Variants in SLC19A1 observed in about 807,000 individuals in gnomAD.
SLC19A1 encodes the protein solute carrier family 19 member 1, also known as reduced folate transporter.
Under a neutral mutation model 35.3 loss-of-function variants are expected in SLC19A1, and 37 were observed. The observed-to-expected ratio is 1.05, with a 90% CI of 0.81 to 1.38. SLC19A1 has a LOEUF of 1.38. Ranked by LOEUF, SLC19A1 falls within the 40% of genes most tolerant of loss-of-function variation. The pLI is 0.00. For missense variants in SLC19A1, 831 were observed against 826.9 expected, an observed-to-expected ratio of 1.00 and a Z score of -0.06; for synonymous variants, 460 against 398.5, an observed-to-expected ratio of 1.15 and a Z score of -1.84.
intron 5 of SLC19A1, among the ~76,000 whole-genome samples, chr21:45,516,783 CT>C (rs913169170): frequency 6.6e-6 from 1 of 152,190 alleles, no homozygotes; most frequent in African/African-American, 2.4e-5. Context: ...GTTCAGGAGG[CT>C]GCAGTGCCCT....
At position 45,530,459 on chromosome 21, in the gene SLC19A1, C is replaced by T. The variant is rs1319526973; in HGVS notation, c.1151+311G>A. ...ATGAACTCACACAGGTGCAAGCTCCCGCTCCTGCCTGGATGGGGTCTCAGC... is the reference window on the plus strand; with the variant it reads ...ATGAACTCACACAGGTGCAAGCTCCTGCTCCTGCCTGGATGGGGTCTCAGC... On this transcript the variant is annotated intron_variant, in intron 4 of 5. Transcript: ENST00000311124. This position sits in a 1 kb window ranked among gnomAD's most constrained non-coding sequence, Gnocchi z 5.3. 6.6e-6 allele frequency among the ~76,000 whole-genome samples: 1 copy of T among 152,086 alleles called. No individual in the cohort carries two copies. The highest frequency in any genetic ancestry group is 1.5e-5 in the Non-Finnish European group (1 of 67,986).
chr21:45,526,350 C>T (rs561103107), intron 4 of SLC19A1, among the ~76,000 whole-genome samples: 1 of 152,388 alleles, frequency 6.6e-6, no homozygotes, highest in African/African-American at 2.4e-5. Flanking sequence ...TGTACACACA[C>T]AGCCAGAAGG....
In SLC19A1 at chr21:45,535,044, G is replaced by A. The variant is rs1028771028; in HGVS notation, c.189+2727C>T. On this transcript the variant is annotated intron_variant, in intron 2 of 5. Coordinates refer to ENST00000311124, the MANE Select transcript of SLC19A1 (RefSeq NM_194255.4). ...GGCAAGGCCCGAAGGCAGGCAGGAC[G>A]CGAGGGCAGGGCCAGGCGTGGGGCA... 5.9e-5 allele frequency among the ~76,000 whole-genome samples: 9 copies of A among 152,384 alleles called. No individual in the cohort carries two copies. In the South Asian group the frequency reaches 8.3e-4, roughly 14 times the overall value.
At chr21:45,511,536 G>A (rs990003305), downstream of SLC19A1, among the ~76,000 whole-genome samples, 18 of 152,094 alleles carry the variant, frequency 1.2e-4, 1 homozygote, top group Admixed American at 4.6e-4. Flanking sequence ...TGTAAGCAGC[G>A]CAGCGAGTTT....
intron 1 of SLC19A1, among the ~76,000 whole-genome samples, chr21:45,550,977 G>A (rs1004103857): frequency 7.6e-6 from 1 of 132,294 alleles, no homozygotes; most frequent in Non-Finnish European, 1.6e-5. Flanking sequence ...ACTGGCCCCC[G>A]CCTCCATTCT....
chr21:45,508,500 T>TGGACA (rs1185357298), downstream of SLC19A1, among the ~76,000 whole-genome samples: 15 of 147,982 alleles, frequency 1.0e-4, no homozygotes, highest in East Asian at 1.2e-3. Context: ...GGTGGATGGA[T>TGGACA]GGTGGGTAAG....
Position 45,516,030 on chromosome 21 carries a change from C to T in SLC19A1, c.1404G>A (p.Pro468=), listed in dbSNP as rs779281364. Residue 468 remains proline, a synonymous_variant, in exon 6 of 6, where the codon CCG becomes CCA. Coordinates refer to ENST00000311124, the MANE Select transcript of SLC19A1 (RefSeq NM_194255.4). ...CCGCGGCACTCCTCAGGCCCTGGGCCGGGGGCTGCCGCGGGTGGTGGCCCC... is the reference window on the plus strand; with the variant it reads ...CCGCGGCACTCCTCAGGCCCTGGGCTGGGGGCTGCCGCGGGTGGTGGCCCC... ...CQRGHHPRQP[P]AQGLRSAAEE... is the part of the protein sequence containing the mutation. 1.2e-5 allele frequency: 19 copies of T among 1,578,802 alleles called. No homozygotes were observed. Among genetic ancestry groups the T allele is most frequent in the South Asian group, 8.1e-5 (7 of 86,890 alleles).
intron 4 of SLC19A1, among the ~76,000 whole-genome samples, chr21:45,529,098 G>T (rs1012981814): frequency 2.6e-5 from 4 of 152,230 alleles, no homozygotes; most frequent in African/African-American, 9.6e-5. Flanking sequence ...AGCCAGGGAC[G>T]GCAAGAGCCC....
intron 4 of SLC19A1, among the ~76,000 whole-genome samples, chr21:45,529,120 CG>C (rs1264962815): frequency 6.6e-6 from 1 of 152,130 alleles, no homozygotes; most frequent in Non-Finnish European, 1.5e-5. Flanking sequence ...GTGTGGGCCT[CG>C]GGGAGCCTGG....
chr21:45,561,135 G>T (rs1377202300), intron 1 of SLC19A1, among the ~76,000 whole-genome samples: 4 of 152,194 alleles, frequency 2.6e-5, no homozygotes, highest in South Asian at 4.1e-4. Flanking sequence ...ACCGAGTCTT[G>T]TTGAGAAGAC....
intron 4 of SLC19A1, among the ~76,000 whole-genome samples, chr21:45,527,307 T>C (rs2077661955): frequency 7.3e-6 from 1 of 137,708 alleles, no homozygotes; most frequent in Admixed American, 7.4e-5. Context: ...GGGCAGGCCC[T>C]GGAGGTGAGT....
chr21:45,512,179 G>A (rs369020509), downstream of SLC19A1: 81 of 1,610,198 alleles, frequency 5.0e-5, no homozygotes, highest in Middle Eastern at 3.3e-4. Context: ...GGCCCGGCGC[G>A]TCTTACAGGC....
At chr21:45,521,883 T>C (rs2077449409) in intron 5 of SLC19A1, among the ~76,000 whole-genome samples, 1 of 152,150 alleles carries the variant, frequency 6.6e-6, no homozygotes. Flanking sequence ...GACTTAAATG[T>C]AAAAACACGA....
At chr21:45,518,050 G>A (rs2075308786) in intron 5 of SLC19A1, among the ~76,000 whole-genome samples, 1 of 152,052 alleles carries the variant, frequency 6.6e-6, no homozygotes, top group Admixed American at 6.5e-5. Context: ...CCAACACTAA[G>A]ACAACACAGA....
Position 45,530,661 on chromosome 21 carries a change from C to A in SLC19A1, c.1151+109G>T. On this transcript the variant is annotated intron_variant, in intron 4 of 5. Transcript: ENST00000311124. The surrounding 1 kb of genome is among the most constrained non-coding windows in gnomAD (Gnocchi z 5.3). ...AGCTCCAGGTGGCTGGCGGGGCCAG[C>A]AGTGGCACAGCCGCTGGGGCGCAGC... is the stretch of plus-strand genomic sequence containing the variant. 8.4e-7 allele frequency: 1 copy of A among 1,186,938 alleles called. No homozygotes were observed. The highest frequency in any genetic ancestry group is 1.2e-6 in the Non-Finnish European group (1 of 848,360). The allele number at this position is 1,186,938 out of a possible 1,614,324, so 73.5% of individuals were successfully genotyped here.
At chr21:45,506,007 C>G (rs1342136295) in intron 3 of SLC19A1, 1 of 1,612,302 alleles carries the variant, frequency 6.2e-7, no homozygotes, top group African/African-American at 1.3e-5. Context: ...CGTGGAAGGG[C>G]CGAAGCCGCC....
At chr21:45,549,858 G>A (rs2078448929) in intron 1 of SLC19A1, among the ~76,000 whole-genome samples, 2 of 151,628 alleles carry the variant, frequency 1.3e-5, no homozygotes, top group Non-Finnish European at 2.9e-5. Flanking sequence ...TGTGGCTCTT[G>A]GTTGCAGATG....
At chr21:45,507,899 A>G (rs1002949423), downstream of SLC19A1, among the ~76,000 whole-genome samples, 1 of 152,036 alleles carries the variant, frequency 6.6e-6, no homozygotes, top group Non-Finnish European at 1.5e-5. Flanking sequence ...GCCAAAATCC[A>G]CATCTTGTGT....
At chr21:45,539,008 G>A (rs941927071) in intron 1 of SLC19A1, among the ~76,000 whole-genome samples, 4 of 152,190 alleles carry the variant, frequency 2.6e-5, no homozygotes, top group African/African-American at 7.2e-5. Flanking sequence ...GCAAGGGCAC[G>A]TCTCACCACC....
Sources: gnomAD v4.1 joint callset for allele counts (sites outside exome capture counted in the v4.1 genomes callset) on GRCh38, gnomAD v4.1.1 for gene constraint, Gnocchi (gnomAD v3.1) non-coding constraint, MANE v1.5 for transcripts, NCBI Gene and HGNC (gene_info 2026-07-23, HGNC 2026-07-21) for gene names.